The following POU2F1 variants were observed in gnomAD, a reference collection of about 807,000 sequenced individuals.
POU2F1 encodes the protein POU class 2 homeobox 1, also known as POU domain, class 2, transcription factor 1.
Under a neutral mutation model 84.9 loss-of-function variants are expected in POU2F1, and 16 were observed. The observed-to-expected ratio is 0.19, with a 90% CI of 0.13 to 0.29. The LOEUF is 0.29. POU2F1 is among the 10% of genes least tolerant of loss of function. The pLI is 1.00. For synonymous variants in POU2F1, 368 were observed against 368.3 expected, an observed-to-expected ratio of 1.00 and a Z score of 0.01; for missense variants, 738 against 942.6, an observed-to-expected ratio of 0.78 and a Z score of 2.84.
chr1:167,303,065 A>G (rs982558452), intron 1 of POU2F1, among the ~76,000 whole-genome samples: 2 of 152,122 alleles, frequency 1.3e-5, no homozygotes, highest in African/African-American at 2.4e-5. Context: ...TATATCGTCT[A>G]TCTATGTATA....
intron 2 of POU2F1, among the ~76,000 whole-genome samples, chr1:167,334,922 T>A (rs1571320298): frequency 1.3e-5 from 2 of 152,288 alleles, no homozygotes; most frequent in Middle Eastern, 6.8e-3. Flanking sequence ...ATTCAGAATA[T>A]GTTTGTGTAG....
At chr1:167,289,117 A>T (rs1454175251) in intron 1 of POU2F1, among the ~76,000 whole-genome samples, 1 of 152,218 alleles carries the variant, frequency 6.6e-6, no homozygotes, top group East Asian at 1.9e-4. Context: ...ATTTTGCTAG[A>T]TGAGCTGCCT....
intron 7 of POU2F1, among the ~76,000 whole-genome samples, chr1:167,378,584 T>C (rs1034283094): frequency 1.3e-5 from 2 of 151,852 alleles, no homozygotes; most frequent in Non-Finnish European, 2.9e-5. Flanking sequence ...TTTTTGGTTT[T>C]TAGTAGAGAT....
chr1:167,280,890 TA>T (rs1289243727), intron 1 of POU2F1, among the ~76,000 whole-genome samples: 1 of 152,206 alleles, frequency 6.6e-6, no homozygotes, highest in Non-Finnish European at 1.5e-5. Context: ...ATTGTATCAA[TA>T]AAGTAGGAAC....
intron 2 of POU2F1, among the ~76,000 whole-genome samples, chr1:167,347,003 A>G (rs1253022289): frequency 6.6e-6 from 1 of 152,146 alleles, no homozygotes; most frequent in Non-Finnish European, 1.5e-5. Context: ...TTCCTAAAAG[A>G]TCTTTTAGCT....
intron 1 of POU2F1, chr1:167,328,920 C>T: frequency 5.8e-6 from 3 of 518,352 alleles, no homozygotes; most frequent in Non-Finnish European, 7.6e-6. Context: ...CACGCGCATA[C>T]TGATTAAGCT....
chr1:167,245,239 ATTTCT>A (rs1358343387), intron 1 of POU2F1, among the ~76,000 whole-genome samples: 6 of 151,080 alleles, frequency 4.0e-5, no homozygotes, highest in African/African-American at 7.3e-5. Flanking sequence ...TGTGACTCAA[ATTTCT>A]TTTTTTTTTT....
At position 167,358,715 on chromosome 1, in the gene POU2F1, G is replaced by GATTTTTTTTTT. The variant is rs1557923742; in HGVS notation, c.128-6752_128-6751insATTTTTTTTTT. On this transcript the variant is annotated intron_variant, in intron 2 of 15. Coordinates refer to ENST00000367866, the MANE Select transcript of POU2F1 (RefSeq NM_002697.4). The stretch of plus-strand genomic sequence containing the variant: ...ATTCTTAATCTTTTTATTATCTGCA[G>GATTTTTTTTTT]CTTTTTTTTTTTTTTTTTTTTTGAG... Among the ~76,000 whole-genome samples the GATTTTTTTTTT allele has an allele frequency of 1.7e-3, 72 of 41,588 alleles. 2 individuals carry two copies. The highest frequency in any genetic ancestry group is 5.3e-3 in the African/African-American group (66 of 12,566). The allele number at this position is 41,588 out of a possible 152,430, so 27.3% of individuals were successfully genotyped here.
chr1:167,337,025 G>A (rs550853690), intron 2 of POU2F1, among the ~76,000 whole-genome samples: 62 of 152,108 alleles, frequency 4.1e-4, no homozygotes, highest in African/African-American at 1.1e-3. Context: ...AAAATTAGCC[G>A]GGCATGGTAT....
At position 167,417,308 on chromosome 1, in the gene POU2F1, C is replaced by T. The variant is rs1302281596; in HGVS notation, c.*1498C>T. On this transcript the variant is annotated 3_prime_UTR_variant, in exon 16 of 16. Transcript: ENST00000367866. Reference sequence around the variant, plus strand: ...ACTTTGCACACACCTTAAGTGTCTCCTTGGTTTGTTCATGATGCTCCTGCT... The same window carrying T: ...ACTTTGCACACACCTTAAGTGTCTCTTTGGTTTGTTCATGATGCTCCTGCT... The T allele has an allele frequency of 5.3e-5, 8 of 152,164 alleles. No homozygotes were observed. Among genetic ancestry groups the T allele is most frequent in the Non-Finnish European group, 1.2e-4 (8 of 68,034 alleles). 9.4% of individuals were successfully genotyped at this position (152,164 alleles called of 1,614,324 possible).
Position 167,426,977 on chromosome 1 carries a change from G to A in POU2F1, c.*11167G>A, listed in dbSNP as rs1400015796. Reference sequence around the variant, plus strand: ...AGAATCAGCTGATAACTTGCGTGCTGGACCTTGTTATCTGTGCCCCTGGGA... The same window carrying A: ...AGAATCAGCTGATAACTTGCGTGCTAGACCTTGTTATCTGTGCCCCTGGGA... On this transcript the variant is annotated 3_prime_UTR_variant, in exon 16 of 16. Coordinates refer to ENST00000367866, the MANE Select transcript of POU2F1 (RefSeq NM_002697.4). 1 of 152,170 alleles carries A rather than the reference G, an allele frequency of 6.6e-6. No individual in the cohort carries two copies. Among genetic ancestry groups the A allele is most frequent in the Admixed American group, 6.5e-5 (1 of 15,272 alleles). 9.4% of individuals were successfully genotyped at this position (152,170 alleles called of 1,614,324 possible).
At chr1:167,297,906 G>A (rs963155375) in intron 1 of POU2F1, among the ~76,000 whole-genome samples, 2 of 152,018 alleles carry the variant, frequency 1.3e-5, no homozygotes, top group Non-Finnish European at 2.9e-5. Context: ...GATCACTTGA[G>A]GTCAGGAGTT....
chr1:167,367,891 A>G (rs1401043502), intron 3 of POU2F1, among the ~76,000 whole-genome samples: 1 of 151,990 alleles, frequency 6.6e-6, no homozygotes, highest in Non-Finnish European at 1.5e-5. Context: ...AACTGTGATT[A>G]TAGGCGTACA....
At chr1:167,372,827 TATTAA>T (rs1660093091) in intron 5 of POU2F1, among the ~76,000 whole-genome samples, 1 of 152,204 alleles carries the variant, frequency 6.6e-6, no homozygotes, top group African/African-American at 2.4e-5. Context: ...AAAATTTGTG[TATTAA>T]ATTATCTTTG....
chr1:167,304,447 C>T (rs942535707), intron 1 of POU2F1, among the ~76,000 whole-genome samples: 1 of 152,110 alleles, frequency 6.6e-6, no homozygotes, highest in South Asian at 2.1e-4. Context: ...TTTCAAAGCA[C>T]GTTACTAAAC....
chr1:167,416,098 A>AAAAAAAAAAAAAC lies in POU2F1; in HGVS notation c.*296_*297insAAAACAAAAAAAA. 1.8e-6 allele frequency: 1 copy of AAAAAAAAAAAAAC among 549,098 alleles called. No homozygotes were observed. Among genetic ancestry groups the AAAAAAAAAAAAAC allele is most frequent in the South Asian group, 1.8e-5 (1 of 56,418 alleles). 34.0% of individuals were successfully genotyped at this position (549,098 alleles called of 1,614,324 possible). A position where few individuals can be genotyped will look rare whatever the true frequency, so the allele number is the denominator to read the frequency against. On this transcript the variant is annotated 3_prime_UTR_variant, in exon 16 of 16. Coordinates refer to ENST00000367866, the MANE Select transcript of POU2F1 (RefSeq NM_002697.4). The stretch of plus-strand genomic sequence containing the variant: ...TTCTAACCAAAAATTAAAAAAAAAA[A>AAAAAAAAAAAAAC]AAAAAAAAGAAACAAAAAAATCAAA...
At chr1:167,323,570 G>A (rs1350865820) in intron 1 of POU2F1, among the ~76,000 whole-genome samples, 1 of 152,180 alleles carries the variant, frequency 6.6e-6, no homozygotes, top group African/African-American at 2.4e-5. Flanking sequence ...ATTCCCTATA[G>A]CATGCTGAAG....
intron 2 of POU2F1, among the ~76,000 whole-genome samples, chr1:167,340,757 A>G (rs1395782448): frequency 2.0e-5 from 3 of 152,150 alleles, no homozygotes; most frequent in Non-Finnish European, 2.9e-5. Flanking sequence ...GATGCGCAAG[A>G]TAACAGTACT....
chr1:167,359,008 T>C (rs946762242), intron 2 of POU2F1, among the ~76,000 whole-genome samples: 1 of 151,772 alleles, frequency 6.6e-6, no homozygotes, highest in African/African-American at 2.4e-5. Context: ...TATGTGGAAG[T>C]TTTTTTTAAT....
Sources: gnomAD v4.1 joint callset for allele counts (sites outside exome capture counted in the v4.1 genomes callset) on GRCh38, gnomAD v4.1.1 for gene constraint, MANE v1.5 for transcripts, NCBI Gene and HGNC (gene_info 2026-07-23, HGNC 2026-07-21) for gene names.